C12orf42: variants seen among roughly 807,000 people sequenced by gnomAD.
The protein encoded by C12orf42 is uncharacterized protein C12orf42.
A neutral mutation model predicts 21.6 loss-of-function variants in C12orf42; 25 were observed. That is an observed-to-expected ratio of 1.16 (90% confidence interval 0.84 to 1.62). C12orf42 has a LOEUF of 1.62. Among genes scored for constraint, C12orf42 ranks in the 40% most tolerant of loss-of-function variants. The probability of loss-of-function intolerance (pLI) is 0.00; values close to 1 mark genes in which losing one functional copy is unlikely to be tolerated. For synonymous variants in C12orf42, 174 were observed against 175.0 expected, an observed-to-expected ratio of 0.99 and a Z score of 0.05; for missense variants, 483 against 459.3, an observed-to-expected ratio of 1.05 and a Z score of -0.47.
chr12:103,246,381 A>G (rs17033617), intron 10 of C12orf42, among the ~76,000 whole-genome samples: 2,431 of 152,166 alleles, frequency 0.016, 61 homozygotes, highest in African/African-American at 0.053. Context: ...CTGGATAAAC[A>G]TTTACCATAC....
At chr12:103,141,241 AG>A in the C12orf42 span, among the ~76,000 whole-genome samples, 1 of 152,174 alleles carries the variant, frequency 6.6e-6, no homozygotes, top group East Asian at 1.9e-4. Context: ...GAATTAGAAA[AG>A]AAAAGAGAGA....
At chr12:103,117,297 C>T in the C12orf42 span, among the ~76,000 whole-genome samples, 8 of 152,090 alleles carry the variant, frequency 5.3e-5, no homozygotes, top group Non-Finnish European at 1.2e-4. Flanking sequence ...TGAGAATGTG[C>T]GGTTTTTAAC....
At chr12:103,537,332 A>G in the C12orf42 span, among the ~76,000 whole-genome samples, 1 of 90,090 alleles carries the variant, frequency 1.1e-5, no homozygotes, top group Non-Finnish European at 2.6e-5. Flanking sequence ...AAGGTTTATG[A>G]AAAAAAAAAC....
chr12:103,051,802 CCTT>C, the C12orf42 span, among the ~76,000 whole-genome samples: 1 of 152,162 alleles, frequency 6.6e-6, no homozygotes, highest in African/African-American at 2.4e-5. Context: ...CTGTCTTGCT[CCTT>C]CTCCTCAGCC....
chr12:103,461,631 T>C (rs935054615), intron 2 of C12orf42, among the ~76,000 whole-genome samples: 1 of 152,212 alleles, frequency 6.6e-6, no homozygotes, highest in African/African-American at 2.4e-5. Context: ...ATCTAGAGAC[T>C]TGAATTCTTG....
intron 1 of C12orf42, among the ~76,000 whole-genome samples, chr12:103,487,267 G>A (rs1001465703): frequency 6.6e-6 from 1 of 152,182 alleles, no homozygotes; most frequent in Non-Finnish European, 1.5e-5. Flanking sequence ...GTGCAGTTTT[G>A]AGTGAGTTTC....
chr12:103,341,112 CAAAAAAA>C (rs34154888), intron 4 of C12orf42, among the ~76,000 whole-genome samples: 2 of 47,684 alleles, frequency 4.2e-5, no homozygotes, highest in African/African-American at 1.6e-4. Flanking sequence ...GACTCTGTCT[CAAAAAAA>C]AAAAAAAAAA....
chr12:103,167,618 C>T, the C12orf42 span, among the ~76,000 whole-genome samples: 1 of 152,140 alleles, frequency 6.6e-6, no homozygotes, highest in African/African-American at 2.4e-5. Flanking sequence ...TCCTCATTCA[C>T]TATTGGCCAA....
chr12:103,191,543 C>CAAAA, the C12orf42 span, among the ~76,000 whole-genome samples: 157 of 58,124 alleles, frequency 2.7e-3, no homozygotes, highest in Non-Finnish European at 3.1e-3. Context: ...CTCCACTCTA[C>CAAAA]AAAAAAAAAA....
At chr12:103,437,027 TA>T (rs1950780547) in intron 2 of C12orf42, among the ~76,000 whole-genome samples, 1 of 150,642 alleles carries the variant, frequency 6.6e-6, no homozygotes, top group African/African-American at 2.4e-5. Flanking sequence ...TCAGCAAATG[TA>T]AAAGAACAGA....
At chr12:103,476,999 C>A (rs901490706) in intron 2 of C12orf42, 1 of 152,038 alleles carries the variant, frequency 6.6e-6, no homozygotes, top group African/African-American at 2.4e-5. Context: ...TCACTGTGAT[C>A]CAGCTTACTG....
At chr12:103,173,077 G>A in the C12orf42 span, among the ~76,000 whole-genome samples, 6 of 152,108 alleles carry the variant, frequency 3.9e-5, no homozygotes, top group African/African-American at 1.4e-4. Flanking sequence ...GCCAGTCCAG[G>A]CTCCTTAATT....
the C12orf42 span, among the ~76,000 whole-genome samples, chr12:103,113,668 C>T: frequency 6.6e-6 from 1 of 152,162 alleles, no homozygotes; most frequent in Non-Finnish European, 1.5e-5. Context: ...AACAAAGAAT[C>T]ATCCAGGCCA....
chr12:103,463,936 G>C (rs1952917296), intron 2 of C12orf42, among the ~76,000 whole-genome samples: 1 of 152,082 alleles, frequency 6.6e-6, no homozygotes. Context: ...AGTATTCCAT[G>C]GTGTATATGT....
intron 1 of C12orf42, among the ~76,000 whole-genome samples, chr12:103,483,996 C>A (rs1028544397): frequency 6.6e-6 from 1 of 152,104 alleles, no homozygotes; most frequent in African/African-American, 2.4e-5. Flanking sequence ...TGAACTCATC[C>A]TTTTTTATGG....
At chr12:103,282,029 C>T (rs142998117) in intron 4 of C12orf42, among the ~76,000 whole-genome samples, 4 of 152,216 alleles carry the variant, frequency 2.6e-5, no homozygotes, top group Admixed American at 6.5e-5. Context: ...CAATTATCTC[C>T]GTATTCTCGA....
the C12orf42 span, among the ~76,000 whole-genome samples, chr12:103,126,018 C>T: frequency 6.6e-6 from 1 of 152,204 alleles, no homozygotes; most frequent in Non-Finnish European, 1.5e-5. Flanking sequence ...GGCGCTCTCC[C>T]TCCAGGGCAG....
chr12:103,401,960 G>A (rs1282198963), intron 2 of C12orf42, among the ~76,000 whole-genome samples: 1 of 152,188 alleles, frequency 6.6e-6, no homozygotes, highest in South Asian at 2.1e-4. Flanking sequence ...TACATGTGAT[G>A]AAAGAGAGAG....
At chr12:103,319,097 CTT>C (rs2039823992) in intron 4 of C12orf42, among the ~76,000 whole-genome samples, 1 of 152,114 alleles carries the variant, frequency 6.6e-6, no homozygotes, top group Non-Finnish European at 1.5e-5. Flanking sequence ...CTCACTGACT[CTT>C]TTTAAACATG....
Sources: gnomAD v4.1 joint callset for allele counts (sites outside exome capture counted in the v4.1 genomes callset) on GRCh38, gnomAD v4.1.1 for gene constraint, MANE v1.5 for transcripts, NCBI Gene and HGNC (gene_info 2026-07-23, HGNC 2026-07-21) for gene names.